MYO9B: variants seen among roughly 807,000 people sequenced by gnomAD.
MYO9B encodes the protein myosin IXB, also known as unconventional myosin-IXb.
A neutral mutation model predicts 229.5 loss-of-function variants in MYO9B; 71 were observed. The observed-to-expected ratio is 0.31, with a 90% CI of 0.26 to 0.38. The LOEUF (loss-of-function observed/expected upper bound fraction) is 0.38. Ranked by LOEUF, MYO9B falls within the 10% of genes least tolerant of loss-of-function variation. The pLI, the probability that MYO9B is intolerant of heterozygous loss-of-function variation, is 1.00. For synonymous variants in MYO9B, 1,185 were observed against 1,235.8 expected, an observed-to-expected ratio of 0.96 and a Z score of 0.86; for missense variants, 2,255 against 2,920.5, an observed-to-expected ratio of 0.77 and a Z score of 5.25.
In MYO9B at chr19:17,213,106, G is replaced by A. The variant is rs1363886848; in HGVS notation, c.*796G>A. ...GAGCCAGCGACTCAGGACTGCTCACGGGTCAGGAGGGCAACGCCTGAAGTC... is the reference window on the plus strand; with the variant it reads ...GAGCCAGCGACTCAGGACTGCTCACAGGTCAGGAGGGCAACGCCTGAAGTC... On this transcript the variant is annotated 3_prime_UTR_variant, in exon 40 of 40. Coordinates refer to ENST00000682292, the MANE Select transcript of MYO9B (RefSeq NM_004145.4). 2.6e-5 allele frequency: 4 copies of A among 152,260 alleles called. No individual in the cohort carries two copies. The highest frequency in any genetic ancestry group is 1.5e-5 in the Non-Finnish European group (1 of 68,050). The allele number at this position is 152,260 out of a possible 1,614,324, so 9.4% of individuals were successfully genotyped here.
intron 2 of MYO9B, among the ~76,000 whole-genome samples, chr19:17,144,946 G>A (rs545059596): frequency 6.8e-6 from 1 of 146,576 alleles, no homozygotes; most frequent in East Asian, 2.0e-4. Context: ...CTCCAGCCAA[G>A]GCAACAGAGC....
chr19:17,146,531 G>A (rs185426885), intron 3 of MYO9B, among the ~76,000 whole-genome samples: 2 of 150,222 alleles, frequency 1.3e-5, no homozygotes, highest in Admixed American at 1.3e-4. Context: ...GAGTAGATTT[G>A]TGGGTGTGTG....
chr19:17,194,635 G>C lies in MYO9B; in HGVS notation c.3208G>C (p.Glu1070Gln), dbSNP rs199879171. ...CCTGGAAGCCGCAAGAGCAGGTGCT[G>C]AGGAGGGCGGACAGGGTCAGGCGGC... ...EALEAARAGAEEGGQGQAAGG... is the reference protein window; with the variant it reads ...EALEAARAGAQEGGQGQAAGG... The change falls in exon 22 of 40, where the codon GAG becomes CAG. Residue 1070 changes from glutamate (E) to glutamine (Q), a missense_variant. Glu to Gln is a conservative substitution (Grantham distance 29). Transcript: ENST00000682292. 3 of 1,612,796 alleles carry C rather than the reference G, an allele frequency of 1.9e-6. No individual in the cohort carries two copies. The highest frequency in any genetic ancestry group is 1.3e-5 in the African/African-American group (1 of 75,070).
At position 17,193,289 on chromosome 19, in the gene MYO9B, G is replaced by T. The variant is rs757627122; in HGVS notation, c.3128+227G>T. Among the ~76,000 whole-genome samples, 39 of 152,288 alleles carry T rather than the reference G, an allele frequency of 2.6e-4. No homozygotes were observed. Among genetic ancestry groups the T allele is most frequent in the Non-Finnish European group, 4.9e-4 (33 of 68,014 alleles). On this transcript the variant is annotated intron_variant, in intron 21 of 39. Coordinates refer to ENST00000682292, the MANE Select transcript of MYO9B (RefSeq NM_004145.4). The surrounding 1 kb of genome is among the most constrained non-coding windows in gnomAD (Gnocchi z 4.3). ...GGGACAAAGCCCTGCTTTGCCATTG[G>T]CTGCACCCATTCTCTGCCCAGGGAC...
chr19:17,202,763 T>G, intron 28 of MYO9B, 79 bp from the exon 29 acceptor site: 1 of 1,437,174 alleles, frequency 7.0e-7, no homozygotes, highest in Non-Finnish European at 9.5e-7. Context: ...CCCACACGCC[T>G]GAGTTATGGG....
In MYO9B at chr19:17,102,536, G is replaced by C. The variant is rs1421527593; in HGVS notation, c.819G>C (p.Leu273=). 6.2e-7 allele frequency: 1 copy of C among 1,602,526 alleles called. No individual in the cohort carries two copies. The highest frequency in any genetic ancestry group is 2.3e-5 in the East Asian group (1 of 44,338). ...GYASGVERTI[L]GAGPVLEAFG... is the part of the protein sequence containing the mutation. ...CCAGCGGCGTCGAGAGGACCATCCT[G>C]GGTGCTGGCCCTGTGCTGGAGGTGA... The change falls in exon 2 of 40, where the codon CTG becomes CTC. Residue 273 remains leucine (L), a synonymous_variant. Transcript: ENST00000682292.
At position 17,203,323 on chromosome 19, in the gene MYO9B, A is replaced by C. The variant is rs187651418; in HGVS notation, c.4990+65A>C. On this transcript the variant is annotated intron_variant, in intron 30 of 39. Coordinates refer to ENST00000682292, the MANE Select transcript of MYO9B (RefSeq NM_004145.4). ...CCCCCACCACCCCTCACTGCTCAAG[A>C]GGTCTTCAGGGCCAGGCGGGGTGGC... is the stretch of plus-strand genomic sequence containing the variant. 74 of 1,286,188 alleles carry C rather than the reference A, an allele frequency of 5.8e-5. No individual in the cohort carries two copies. The African/African-American group carries it at 9.2e-4, about 16-fold the overall frequency. The allele number at this position is 1,286,188 out of a possible 1,614,324, so 79.7% of individuals were successfully genotyped here.
chr19:17,082,781 C>T (rs144850862), intron 1 of MYO9B, among the ~76,000 whole-genome samples: 251 of 152,180 alleles, frequency 1.6e-3, no homozygotes, highest in African/African-American at 5.5e-3. Context: ...GAAACTGGTT[C>T]CTTTCCCCTG....
intron 3 of MYO9B, among the ~76,000 whole-genome samples, chr19:17,149,613 C>A (rs141981432): frequency 6.6e-6 from 1 of 152,180 alleles, no homozygotes; most frequent in Non-Finnish European, 1.5e-5. Flanking sequence ...CACAAAGAGC[C>A]GGCTCAGACC....
At chr19:17,185,228 G>A (rs2145419464) in intron 17 of MYO9B, among the ~76,000 whole-genome samples, 1 of 152,236 alleles carries the variant, frequency 6.6e-6, no homozygotes, top group South Asian at 2.1e-4. Context: ...ACAAAAATTA[G>A]CCGGGCGTAG....
chr19:17,130,034 G>A (rs2072174859), intron 2 of MYO9B, among the ~76,000 whole-genome samples: 1 of 152,046 alleles, frequency 6.6e-6, no homozygotes, highest in African/African-American at 2.4e-5. Context: ...TTGCCCAGCT[G>A]GTCCTGAATC....
At chr19:17,186,881 C>G (rs2072925151) in intron 18 of MYO9B, among the ~76,000 whole-genome samples, 1 of 152,078 alleles carries the variant, frequency 6.6e-6, no homozygotes, top group South Asian at 2.1e-4. Context: ...CAGGTGCCCA[C>G]CACGCCAAGC....
At chr19:17,201,735 GC>G (rs2073108390) in intron 26 of MYO9B, among the ~76,000 whole-genome samples, 190 bp from the exon 27 acceptor site, 1 of 152,052 alleles carries the variant, frequency 6.6e-6, no homozygotes, top group Admixed American at 6.6e-5. Flanking sequence ...GAGTAGTCCT[GC>G]CCTCAATGTC....
intron 3 of MYO9B, among the ~76,000 whole-genome samples, chr19:17,148,860 A>C (rs567026157): frequency 6.6e-6 from 1 of 152,120 alleles, no homozygotes; most frequent in South Asian, 2.1e-4. Context: ...CTGGGATTAC[A>C]GGTGTGAGCC....
intron 2 of MYO9B, among the ~76,000 whole-genome samples, chr19:17,113,767 T>C (rs2057872398): frequency 6.6e-6 from 1 of 152,000 alleles, no homozygotes; most frequent in African/African-American, 2.4e-5. Flanking sequence ...GCCCTGGGTC[T>C]GCAGAGCAGC....
rs1284851643 is a variant in MYO9B at position 17,194,739 on chromosome 19, G to C, written c.3312G>C (p.Gln1104His). ...GGHLASEPEVQPSDRSPLEHS... is the reference protein window; with the variant it reads ...GGHLASEPEVHPSDRSPLEHS... ...ACCTGGCATCGGAGCCTGAGGTGCA[G>C]CCAAGTGACAGGTCCCCCCTAGAGC... The change falls in exon 22 of 40, where the codon CAG becomes CAC. Residue 1104 changes from glutamine (Q) to histidine (H), a missense_variant. Around this residue, in one of 7 missense-constraint regions of MYO9B, gnomAD observed 679 missense variants for 770.2 expected, o/e 0.88. Coordinates refer to ENST00000682292, the MANE Select transcript of MYO9B (RefSeq NM_004145.4). 7 of 1,613,054 alleles carry C rather than the reference G, an allele frequency of 4.3e-6. No homozygotes were observed. The Admixed American group carries it at 6.7e-5, about 15-fold the overall frequency.
chr19:17,180,806 G>C (rs1169591768), intron 14 of MYO9B, 121 bp from the exon 15 acceptor site: 1 of 615,562 alleles, frequency 1.6e-6, no homozygotes, highest in African/African-American at 1.9e-5. Flanking sequence ...TCCCCCAGCT[G>C]CATGTTTTGG....
At position 17,184,857 on chromosome 19, in the gene MYO9B, T is replaced by C; in HGVS notation, c.2374-8T>C. 1 of 1,613,652 alleles carries C rather than the reference T, an allele frequency of 6.2e-7. No homozygotes were observed. The highest frequency in any genetic ancestry group is 8.5e-7 in the Non-Finnish European group (1 of 1,179,682). On this transcript the variant is annotated splice_polypyrimidine_tract_variant and splice_region_variant and intron_variant, in intron 16 of 39. Coordinates refer to ENST00000682292, the MANE Select transcript of MYO9B (RefSeq NM_004145.4). ...GAGGGCAGGCCGGACCCCATGTGTC[T>C]GTCCTAGAACCTACTGGACTCCAAG...
intron 2 of MYO9B, among the ~76,000 whole-genome samples, chr19:17,113,612 C>G (rs1180821504): frequency 1.3e-5 from 2 of 152,074 alleles, no homozygotes; most frequent in Non-Finnish European, 2.9e-5. Flanking sequence ...TGGCCCTGAC[C>G]GCAAGCTACT....
Sources: allele counts gnomAD v4.1 joint callset (sites outside exome capture counted in the v4.1 genomes callset), GRCh38; gene constraint gnomAD v4.1.1; regional missense constraint gnomAD v4.1.1; non-coding constraint Gnocchi (gnomAD v3.1); transcripts MANE v1.5; gene names NCBI Gene and HGNC (gene_info 2026-07-23, HGNC 2026-07-21).